Variants in TENM3 observed in about 807,000 individuals in gnomAD.
TENM3 encodes teneurin-3.
A neutral mutation model predicts 255.1 loss-of-function variants in TENM3; 63 were observed. The observed-to-expected ratio is 0.25, with a 90% CI of 0.20 to 0.30. TENM3 has a LOEUF of 0.30. Ranked by LOEUF, TENM3 falls within the 10% of genes least tolerant of loss-of-function variation. The probability of loss-of-function intolerance (pLI) is 1.00; values close to 1 mark genes in which losing one functional copy is unlikely to be tolerated. For synonymous variants in TENM3, 1,306 were observed against 1,322.3 expected (o/e 0.99, Z 0.27); for missense variants, 2,929 against 3,461.1 (o/e 0.85, Z 3.86).
chr4:181,721,525 G>A, the TENM3 span, among the ~76,000 whole-genome samples: 7 of 87,884 alleles, frequency 8.0e-5, 1 homozygote, highest in East Asian at 3.6e-4. Context: ...GCGTGAACCC[G>A]GGAGGCGGAG....
At chr4:181,955,708 G>T in the TENM3 span, among the ~76,000 whole-genome samples, 21 of 152,160 alleles carry the variant, frequency 1.4e-4, no homozygotes, top group African/African-American at 5.1e-4. Context: ...GTTGACGATA[G>T]GGAGCCACTT....
intron 24 of TENM3, among the ~76,000 whole-genome samples, chr4:182,782,764 G>A (rs1386600730): frequency 0.062 from 4,997 of 79,972 alleles, 771 homozygotes; most frequent in African/African-American, 0.26. Context: ...ATATATTTAG[G>A]ATAGTTAGCT....
chr4:182,619,480 G>T, intron 4 of TENM3, among the ~76,000 whole-genome samples: 1 of 151,132 alleles, frequency 6.6e-6, no homozygotes, highest in East Asian at 1.9e-4. Context: ...AACATCAAAA[G>T]GTTACTCTAA....
chr4:181,781,932 C>T, the TENM3 span, among the ~76,000 whole-genome samples: 9 of 152,068 alleles, frequency 5.9e-5, no homozygotes, highest in South Asian at 6.2e-4. Context: ...TACTGATTTG[C>T]GTATATTGAA....
At chr4:182,089,743 A>G in the TENM3 span, among the ~76,000 whole-genome samples, 29 of 152,348 alleles carry the variant, frequency 1.9e-4, no homozygotes, top group African/African-American at 5.5e-4. Flanking sequence ...TGCCTAATTT[A>G]TAATTATATC....
At chr4:182,373,760 T>A (rs942634402) in intron 3 of TENM3, among the ~76,000 whole-genome samples, 2 of 152,222 alleles carry the variant, frequency 1.3e-5, no homozygotes, top group African/African-American at 4.8e-5. Flanking sequence ...ATTTCTTGCC[T>A]GTTCCCTAGA....
intron 1 of TENM3, among the ~76,000 whole-genome samples, chr4:182,247,475 C>T (rs761940892): frequency 3.9e-5 from 6 of 152,210 alleles, no homozygotes; most frequent in Non-Finnish European, 5.9e-5. Flanking sequence ...CACTTTAACC[C>T]TTGACCTCAT....
chr4:181,727,879 T>A, the TENM3 span, among the ~76,000 whole-genome samples: 1 of 152,200 alleles, frequency 6.6e-6, no homozygotes, highest in African/African-American at 2.4e-5. Context: ...GTCCTAATGT[T>A]ACTTTCAGAA....
chr4:181,616,314 TACACACACACACAC>T, the TENM3 span, among the ~76,000 whole-genome samples: 8 of 103,704 alleles, frequency 7.7e-5, no homozygotes, highest in South Asian at 3.5e-4. Flanking sequence ...ACCCATAGAA[TACACACACACACAC>T]ACACACACAC....
At chr4:181,834,252 T>C in the TENM3 span, among the ~76,000 whole-genome samples, 1 of 152,148 alleles carries the variant, frequency 6.6e-6, no homozygotes, top group East Asian at 1.9e-4. Context: ...CTCAGACATA[T>C]GGCATTTTCA....
At chr4:182,143,936 A>AG (rs1749672982), upstream of TENM3, 1 of 152,614 alleles carries the variant, frequency 6.6e-6, no homozygotes, top group South Asian at 2.1e-4. This position sits in a 1 kb window ranked among gnomAD's most constrained non-coding sequence, Gnocchi z 4.3. Flanking sequence ...GGAGGAGGGA[A>AG]GGAGGGAGGG....
At chr4:181,628,752 T>G in the TENM3 span, among the ~76,000 whole-genome samples, 1 of 152,202 alleles carries the variant, frequency 6.6e-6, no homozygotes, top group Non-Finnish European at 1.5e-5. Flanking sequence ...TAGTATAGTT[T>G]GAAGTCAGGT....
chr4:182,377,380 C>A (rs1244890433), intron 3 of TENM3, among the ~76,000 whole-genome samples: 2 of 152,152 alleles, frequency 1.3e-5, no homozygotes, highest in Non-Finnish European at 2.9e-5. Flanking sequence ...GTAGCTCAAT[C>A]TCGGCTCACT....
chr4:182,066,050 C>T, the TENM3 span, among the ~76,000 whole-genome samples: 2 of 152,080 alleles, frequency 1.3e-5, no homozygotes, highest in East Asian at 3.9e-4. Context: ...AGTAACTCTA[C>T]GTTTAACTTT....
the TENM3 span, among the ~76,000 whole-genome samples, chr4:181,459,916 C>G: frequency 6.6e-6 from 1 of 151,978 alleles, no homozygotes; most frequent in Admixed American, 6.6e-5. Flanking sequence ...GACACATCAA[C>G]GATATTGAGT....
intron 3 of TENM3, among the ~76,000 whole-genome samples, chr4:182,457,886 C>T (rs1774000847): frequency 6.6e-6 from 1 of 152,186 alleles, no homozygotes; most frequent in Non-Finnish European, 1.5e-5. Context: ...CTGAATTCTG[C>T]ATCCAGTGCA....
the TENM3 span, among the ~76,000 whole-genome samples, chr4:181,622,826 T>G: frequency 1.3e-5 from 2 of 152,206 alleles, no homozygotes; most frequent in African/African-American, 4.8e-5. Context: ...CTCTGGTACT[T>G]TCCAATTTTT....
chr4:182,160,288 C>T lies in TENM3; in HGVS notation c.-76+15534C>T, dbSNP rs567793703. Among the ~76,000 whole-genome samples, 752 of 152,126 alleles carry T rather than the reference C, an allele frequency of 4.9e-3. 4 individuals carry two copies. The highest frequency in any genetic ancestry group is 7.9e-3 in the Non-Finnish European group (536 of 67,988). On this transcript the variant is annotated intron_variant, in intron 1 of 2. Transcript: ENST00000512480. ...AAGTGCTGGGATTACAGGCGTGAGC[C>T]ACCGCGCCCGCCTATTCCGGTTCTT...
chr4:182,187,873 T>C (rs1176537184), intron 1 of TENM3, among the ~76,000 whole-genome samples: 2 of 152,168 alleles, frequency 1.3e-5, no homozygotes, highest in African/African-American at 2.4e-5. Context: ...TATTGTCTGA[T>C]GGCCACTTTA....
Sources: allele counts gnomAD v4.1 joint callset (sites outside exome capture counted in the v4.1 genomes callset), GRCh38; gene constraint gnomAD v4.1.1; non-coding constraint Gnocchi (gnomAD v3.1); transcripts MANE v1.5; gene names NCBI Gene and HGNC (gene_info 2026-07-23, HGNC 2026-07-21).